UGT1A9: variants seen among roughly 807,000 people sequenced by gnomAD.
The protein encoded by UGT1A9 is UDP glucuronosyltransferase family 1 member A9, also known as UDP-glucuronosyltransferase 1A9.
In UGT1A9, 35 loss-of-function variants were observed where a neutral mutation model predicts 45.0. The observed-to-expected ratio is 0.78, with a 90% CI of 0.59 to 1.03. The LOEUF (loss-of-function observed/expected upper bound fraction) is 1.03. Among genes scored for constraint, UGT1A9 ranks in the 50% least tolerant of loss-of-function variants. The pLI, the probability that UGT1A9 is intolerant of heterozygous loss-of-function variation, is 0.00. For synonymous variants in UGT1A9, 278 were observed against 250.6 expected (o/e 1.11, Z -1.03); for missense variants, 687 against 666.6 (o/e 1.03, Z -0.34).
In UGT1A9 at chr2:233,767,157, C is replaced by T; in HGVS notation, c.979C>T (p.Pro327Ser). The T allele has an allele frequency of 3.1e-6, 5 of 1,614,012 alleles. No homozygotes were observed. Among genetic ancestry groups the T allele is most frequent in the Non-Finnish European group, 4.2e-6 (5 of 1,179,992 alleles). Reference protein sequence around the residue: ...MAIADALGKIPQTVLWRYTGT... With the variant: ...MAIADALGKISQTVLWRYTGT... ...AATTGCTGATGCTTTGGGCAAAATC[C>T]CTCAGACAGTAAGAAGATTCTATAC... The change falls in exon 2 of 5, where the codon CCT becomes TCT. Residue 327 changes from proline to serine, a missense_variant. Coordinates refer to ENST00000354728, the MANE Select transcript of UGT1A9 (RefSeq NM_021027.3).
intron 1 of UGT1A9, chr2:233,691,663 G>T (rs771214471): frequency 5.1e-6 from 5 of 983,276 alleles, no homozygotes; most frequent in Non-Finnish European, 6.0e-6. Flanking sequence ...CTCCCTTTCT[G>T]GGCCTCAGTT....
intron 1 of UGT1A9, among the ~76,000 whole-genome samples, chr2:233,742,214 A>C (rs1413606991): frequency 6.6e-6 from 1 of 151,982 alleles, no homozygotes; most frequent in African/African-American, 2.4e-5. Context: ...CACAGCCTTC[A>C]GGGCTGAGAG....
rs191739325 is a variant in UGT1A9 at position 233,719,507 on chromosome 2, C to T, written c.855+46718C>T. On this transcript the variant is annotated intron_variant, in intron 1 of 4. Coordinates refer to ENST00000354728, the MANE Select transcript of UGT1A9 (RefSeq NM_021027.3). ...CCTACATTTGCCATACTTTTTCTGC[C>T]CCTTATGCAAGTCTTGCCTCTGAGC... 1.6e-4 allele frequency: 265 copies of T among 1,613,148 alleles called. 1 individual carries two copies. Among genetic ancestry groups the T allele is most frequent in the Middle Eastern group, 1.7e-4 (1 of 6,052 alleles).
rs1178808521 is a variant in UGT1A9, at chr2:233,725,276, A to AGAG, written c.856-41756_856-41754dup. ...AGGCAGAGGCAGAGGAGGCAGAGGC[A>AGAG]GAGGCAGAGGCAGAGGCAGAGGCAG... On this transcript the variant is annotated intron_variant, in intron 1 of 4. Transcript: ENST00000354728. Among the ~76,000 whole-genome samples the AGAG allele has an allele frequency of 5.2e-3, 248 of 47,428 alleles. 10 individuals carry two copies. The highest frequency in any genetic ancestry group is 6.8e-3 in the Non-Finnish European group (161 of 23,506). 31.1% of individuals were successfully genotyped at this position (47,428 alleles called of 152,430 possible).
At chr2:233,763,400 C>G (rs1260538739) in intron 1 of UGT1A9, among the ~76,000 whole-genome samples, 3 of 152,186 alleles carry the variant, frequency 2.0e-5, no homozygotes, top group African/African-American at 7.2e-5. Context: ...CAACATGGCA[C>G]TGGTATTTTT....
chr2:233,688,315 G>A (rs2074887766), intron 1 of UGT1A9, among the ~76,000 whole-genome samples: 3 of 152,154 alleles, frequency 2.0e-5, no homozygotes. Context: ...TCATCAGTTG[G>A]TGGACATTTG....
At chr2:233,682,929 A>G (rs925012873) in intron 1 of UGT1A9, 2 of 1,456,056 alleles carry the variant, frequency 1.4e-6, no homozygotes, top group African/African-American at 2.8e-5. Context: ...TTTTGTACCA[A>G]TTCACTTAAT....
Position 233,747,263 on chromosome 2 carries a change from T to G in UGT1A9, c.856-19771T>G, listed in dbSNP as rs1693601928. 9 of 1,599,140 alleles carry G rather than the reference T, an allele frequency of 5.6e-6. 1 individual carries two copies. The highest frequency in any genetic ancestry group is 3.6e-4 in the Middle Eastern group (2 of 5,530). ...CTGCTGTGGCTGGCCACAGGAGTGCTACTCCTTCTCAGTGCCCAGCCCTGG... is the reference window on the plus strand; with the variant it reads ...CTGCTGTGGCTGGCCACAGGAGTGCGACTCCTTCTCAGTGCCCAGCCCTGG... On this transcript the variant is annotated intron_variant, in intron 1 of 4. Coordinates refer to ENST00000354728, the MANE Select transcript of UGT1A9 (RefSeq NM_021027.3).
At position 233,769,881 on chromosome 2, in the gene UGT1A9, G is replaced by A. The variant is rs1425583978; in HGVS notation, c.1295+1442G>A. The A allele has an allele frequency of 1.5e-5, 6 of 409,146 alleles. No homozygotes were observed. The highest frequency in any genetic ancestry group is 2.0e-5 in the African/African-American group (1 of 48,904). 25.3% of individuals were successfully genotyped at this position (409,146 alleles called of 1,614,324 possible). Reference sequence around the variant, plus strand: ...TCAAAAAAAAAAAAAAAAATGAAAAGTCCACATAACCTGAGCATCATGTGC... The same window carrying A: ...TCAAAAAAAAAAAAAAAAATGAAAAATCCACATAACCTGAGCATCATGTGC... On this transcript the variant is annotated intron_variant, in intron 4 of 4. Coordinates refer to ENST00000354728, the MANE Select transcript of UGT1A9 (RefSeq NM_021027.3). This position sits in a 1 kb window ranked among gnomAD's most constrained non-coding sequence, Gnocchi z 4.4.
chr2:233,712,370 T>G (rs1029561273), intron 1 of UGT1A9, among the ~76,000 whole-genome samples: 3 of 152,206 alleles, frequency 2.0e-5, no homozygotes, highest in African/African-American at 7.2e-5. Flanking sequence ...CCTGCAGCTT[T>G]TTTTATATTG....
At chr2:233,681,932 T>C in intron 1 of UGT1A9, 1 of 1,611,200 alleles carries the variant, frequency 6.2e-7, no homozygotes, top group Non-Finnish European at 8.5e-7. Context: ...GGGCTGAAGT[T>C]CTCTGATGGC....
rs375157090 is a variant in UGT1A9 at position 233,673,244 on chromosome 2, T to A, written c.855+455T>A. ...ATCTAGTATTGGGCTGGACATATTC[T>A]TCTTTTCTTTGCATTTTTCACTTGC... On this transcript the variant is annotated intron_variant, in intron 1 of 4. Coordinates refer to ENST00000354728, the MANE Select transcript of UGT1A9 (RefSeq NM_021027.3). Among the ~76,000 whole-genome samples the A allele has an allele frequency of 2.8e-4, 43 of 152,330 alleles. 1 individual carries two copies. Among genetic ancestry groups the A allele is most frequent in the African/African-American group, 9.4e-4 (39 of 41,594 alleles).
intron 1 of UGT1A9, among the ~76,000 whole-genome samples, chr2:233,750,094 GAGAGCTC>G (rs2125902484): frequency 6.6e-6 from 1 of 152,024 alleles, no homozygotes; most frequent in South Asian, 2.1e-4. Context: ...GAACAGTTTG[GAGAGCTC>G]AGAAGAAGAC....
chr2:233,772,820 C>T lies in UGT1A9; in HGVS notation c.*261C>T. The T allele has an allele frequency of 1.0e-6, 1 of 980,900 alleles. No individual in the cohort carries two copies. The highest frequency in any genetic ancestry group is 3.1e-5 in the Admixed American group (1 of 31,764). 60.8% of individuals were successfully genotyped at this position (980,900 alleles called of 1,614,324 possible). A position where few individuals can be genotyped will look rare whatever the true frequency, so the allele number is the denominator to read the frequency against. On this transcript the variant is annotated 3_prime_UTR_variant, in exon 5 of 5. Coordinates refer to ENST00000354728, the MANE Select transcript of UGT1A9 (RefSeq NM_021027.3). ...TGCCATTTTTCAGAGGACGTGCAGA[C>T]AGGCTGGCATTCTAGATTACTTTTC...
At chr2:233,717,819 G>T in intron 1 of UGT1A9, 1 of 455,582 alleles carries the variant, frequency 2.2e-6, no homozygotes, top group Non-Finnish European at 4.4e-6. Flanking sequence ...TATGCAGCCC[G>T]TTCTGTTCTG....
intron 3 of UGT1A9, 70 bp from the exon 4 acceptor site, chr2:233,768,150 G>A: frequency 6.2e-7 from 1 of 1,611,942 alleles, no homozygotes; most frequent in Middle Eastern, 1.7e-4. Flanking sequence ...AGTGTTTTCA[G>A]AACCTAGATG....
At chr2:233,763,256 T>A (rs1698270689) in intron 1 of UGT1A9, among the ~76,000 whole-genome samples, 1 of 152,234 alleles carries the variant, frequency 6.6e-6, no homozygotes. Flanking sequence ...GTAACCTGTT[T>A]TGTCTTGTTG....
rs886044683 is a variant in UGT1A9 at position 233,760,424 on chromosome 2, C to T, written c.856-6610C>T. The T allele has an allele frequency of 3.3e-5, 53 of 1,614,062 alleles. No individual in the cohort carries two copies. Among genetic ancestry groups the T allele is most frequent in the Non-Finnish European group, 4.4e-5 (52 of 1,180,038 alleles). On this transcript the variant is annotated intron_variant, in intron 1 of 4. Coordinates refer to ENST00000354728, the MANE Select transcript of UGT1A9 (RefSeq NM_021027.3). ...AGCCACTGGCTGAGCATGCTTGGGG[C>T]CATCCAGCAGCTGCAGCAGAGGGGA...
rs781412186 is a variant in UGT1A9, at chr2:233,767,080, T to C, written c.902T>C (p.Val301Ala). 6.2e-7 allele frequency: 1 copy of C among 1,614,096 alleles called. No individual in the cohort carries two copies. Among genetic ancestry groups the C allele is most frequent in the South Asian group, 1.1e-5 (1 of 91,078 alleles). ...INASGEHGIV[V>A]FSLGSMVSEI... The stretch of plus-strand genomic sequence containing the variant: ...GCTTCTGGAGAACATGGAATTGTGG[T>C]TTTCTCTTTGGGATCAATGGTCTCA... The change falls in exon 2 of 5, where the codon GTT becomes GCT. Residue 301 changes from valine (V) to alanine (A), a missense_variant. By Grantham distance (64) the Val-to-Ala change is moderately conservative. Transcript: ENST00000354728.
Sources: gnomAD v4.1 joint callset for allele counts (sites outside exome capture counted in the v4.1 genomes callset) on GRCh38, gnomAD v4.1.1 for gene constraint, Gnocchi (gnomAD v3.1) non-coding constraint, MANE v1.5 for transcripts, NCBI Gene and HGNC (gene_info 2026-07-23, HGNC 2026-07-21) for gene names.